The following CADPS2 variants were observed in gnomAD, a reference collection of about 807,000 sequenced individuals.
CADPS2 encodes the protein calcium-dependent secretion activator 2.
A neutral mutation model predicts 172.5 loss-of-function variants in CADPS2; 93 were observed. That is an observed-to-expected ratio of 0.54 (90% CI 0.46 to 0.64). The LOEUF (loss-of-function observed/expected upper bound fraction) is 0.64, where lower values mean the gene tolerates loss of function less well. CADPS2 is among the 30% of genes least tolerant of loss of function. The pLI is 0.00. For synonymous variants in CADPS2, 546 were observed against 555.2 expected, an observed-to-expected ratio of 0.98 and a Z score of 0.23; for missense variants, 1,420 against 1,565.9, an observed-to-expected ratio of 0.91 and a Z score of 1.57.
At chr7:122,872,021 C>T (rs1819888833) in intron 1 of CADPS2, among the ~76,000 whole-genome samples, 1 of 152,026 alleles carries the variant, frequency 6.6e-6, no homozygotes, top group Non-Finnish European at 1.5e-5. Context: ...CTCTTGTGCC[C>T]AAATCTCTCC....
intron 6 of CADPS2, among the ~76,000 whole-genome samples, chr7:122,613,710 A>C (rs2074569978): frequency 6.6e-6 from 1 of 151,890 alleles, no homozygotes; most frequent in South Asian, 2.1e-4. Context: ...GAGCATATTC[A>C]AAACTGGATA....
chr7:122,707,159 G>T (rs1028074727), intron 2 of CADPS2, among the ~76,000 whole-genome samples: 1 of 151,676 alleles, frequency 6.6e-6, no homozygotes, highest in African/African-American at 2.4e-5. Context: ...ACCATTAACC[G>T]CAACAAACAT....
At chr7:122,672,548 T>C (rs2081967871) in intron 2 of CADPS2, among the ~76,000 whole-genome samples, 1 of 152,118 alleles carries the variant, frequency 6.6e-6, no homozygotes, top group Admixed American at 6.5e-5. Context: ...TTAAGTGGTT[T>C]AAGCAGAGGA....
At chr7:122,477,008 GAGA>G (rs2056708736) in intron 12 of CADPS2, among the ~76,000 whole-genome samples, 34 of 108,160 alleles carry the variant, frequency 3.1e-4, no homozygotes, top group East Asian at 6.0e-4. Context: ...GAGAGGAGAG[GAGA>G]GGAGAGGAGA....
At chr7:122,637,231 T>C (rs2077174328) in intron 3 of CADPS2, among the ~76,000 whole-genome samples, 2 of 121,516 alleles carry the variant, frequency 1.6e-5, no homozygotes, top group African/African-American at 3.1e-5. Context: ...TCTCACTCTG[T>C]GGCCCAGGCT....
chr7:122,476,351 T>G (rs1162549143), intron 12 of CADPS2, among the ~76,000 whole-genome samples: 1 of 151,918 alleles, frequency 6.6e-6, no homozygotes, highest in Non-Finnish European at 1.5e-5. Flanking sequence ...AGACCTATCT[T>G]TTTCCTGTGA....
intron 19 of CADPS2, among the ~76,000 whole-genome samples, chr7:122,411,223 C>CTT (rs560751027): frequency 0.01 from 1,427 of 141,450 alleles, 16 homozygotes; most frequent in Middle Eastern, 0.022. Flanking sequence ...CCTTTGATTA[C>CTT]TTTTTTTTTT....
chr7:122,734,702 T>C (rs1280840420), intron 2 of CADPS2, among the ~76,000 whole-genome samples: 1 of 152,150 alleles, frequency 6.6e-6, no homozygotes, highest in Non-Finnish European at 1.5e-5. Flanking sequence ...GCAACTTTTC[T>C]ACCTTATTTT....
intron 1 of CADPS2, among the ~76,000 whole-genome samples, chr7:122,772,151 C>T (rs887464354): frequency 2.0e-5 from 3 of 152,116 alleles, no homozygotes; most frequent in African/African-American, 4.8e-5. Context: ...TAGATGAGAA[C>T]TGAAGAACAG....
chr7:122,410,258 C>T (rs1339160695), intron 19 of CADPS2, among the ~76,000 whole-genome samples: 4 of 151,960 alleles, frequency 2.6e-5, no homozygotes, highest in African/African-American at 7.3e-5. Flanking sequence ...ATAGGAGAAT[C>T]GCTTGAACCC....
chr7:122,739,143 G>A (rs1018180463), intron 1 of CADPS2, among the ~76,000 whole-genome samples: 3 of 152,198 alleles, frequency 2.0e-5, no homozygotes, highest in South Asian at 2.1e-4. Flanking sequence ...AGAGTGAGGC[G>A]GCTGAAAGCA....
At chr7:122,861,086 C>T (rs975764061) in intron 1 of CADPS2, among the ~76,000 whole-genome samples, 28 of 152,188 alleles carry the variant, frequency 1.8e-4, no homozygotes, top group African/African-American at 6.8e-4. Context: ...TATGTCTTGA[C>T]ATATGAATTT....
intron 9 of CADPS2, among the ~76,000 whole-genome samples, chr7:122,510,627 CAG>C (rs1489187479): frequency 1.3e-5 from 2 of 152,146 alleles, no homozygotes; most frequent in Non-Finnish European, 2.9e-5. Context: ...ACATTATCAA[CAG>C]AGCATCATTC....
intron 9 of CADPS2, among the ~76,000 whole-genome samples, chr7:122,498,873 C>A (rs1343424316): frequency 2.0e-5 from 3 of 151,978 alleles, no homozygotes; most frequent in Non-Finnish European, 4.4e-5. Context: ...TGTAAATGAT[C>A]AATTTAGTTT....
At chr7:122,827,472 A>G (rs533562749) in intron 1 of CADPS2, among the ~76,000 whole-genome samples, 1 of 141,052 alleles carries the variant, frequency 7.1e-6, no homozygotes, top group African/African-American at 2.8e-5. Flanking sequence ...GTCTCTACTA[A>G]AAATAAAAAA....
chr7:122,436,253 T>G (rs186564049), intron 17 of CADPS2: 3 of 534,776 alleles, frequency 5.6e-6, no homozygotes, highest in Admixed American at 7.4e-5. Context: ...GTTGTGTACA[T>G]TAAATATGTA....
At chr7:122,648,647 T>C (rs2078812186) in intron 3 of CADPS2, among the ~76,000 whole-genome samples, 1 of 152,134 alleles carries the variant, frequency 6.6e-6, no homozygotes, top group African/African-American at 2.4e-5. Flanking sequence ...TGACAATCCC[T>C]AGATCCTGCC....
intron 25 of CADPS2, among the ~76,000 whole-genome samples, chr7:122,361,294 C>T (rs1358006875): frequency 2.9e-5 from 4 of 140,236 alleles, no homozygotes; most frequent in Non-Finnish European, 4.5e-5. Flanking sequence ...AGTGCAGTGG[C>T]GTGATCTTGG....
At position 122,508,385 on chromosome 7, in the gene CADPS2, AAGG is replaced by A. The variant is rs545054368; in HGVS notation, c.1542+4861_1542+4863del. Among the ~76,000 whole-genome samples the A allele has an allele frequency of 6.7e-4, 101 of 151,570 alleles. 2 individuals are homozygous for A. The highest frequency in any genetic ancestry group is 2.3e-3 in the African/African-American group (95 of 41,430). On this transcript the variant is annotated intron_variant, in intron 9 of 29. Transcript: ENST00000449022. ...ATTAAAAAAACTTAAATGTTCAAAG[AAGG>A]AGGATTGTTAAAGTACATAAACTTA... is the stretch of plus-strand genomic sequence containing the variant.
Sources: allele counts gnomAD v4.1 joint callset (sites outside exome capture counted in the v4.1 genomes callset), GRCh38; gene constraint gnomAD v4.1.1; transcripts MANE v1.5; gene names NCBI Gene and HGNC (gene_info 2026-07-23, HGNC 2026-07-21).